The following NDUFA5 variants were observed in gnomAD, a reference collection of about 807,000 sequenced individuals.
NDUFA5 encodes the protein NADH:ubiquinone oxidoreductase subunit A5, also known as NADH dehydrogenase [ubiquinone] 1 alpha subcomplex subunit 5.
Under a neutral mutation model 19.8 loss-of-function variants are expected in NDUFA5, and 11 were observed. The observed-to-expected ratio is 0.56, with a 90% CI of 0.35 to 0.92. The LOEUF is 0.92. Ranked by LOEUF, NDUFA5 falls within the 40% of genes least tolerant of loss-of-function variation. The pLI is 0.01. For missense variants in NDUFA5, 109 were observed against 134.2 expected, an observed-to-expected ratio of 0.81 and a Z score of 0.93; for synonymous variants, 47 against 46.8, an observed-to-expected ratio of 1.00 and a Z score of -0.01.
intron 1 of NDUFA5, 97 bp from the exon 2 acceptor site, chr7:123,557,545 C>G: frequency 1.9e-6 from 3 of 1,611,414 alleles, no homozygotes; most frequent in Non-Finnish European, 2.5e-6. Context: ...CCGGCTAAAA[C>G]TGGTCTAAAG....
Position 123,538,970 on chromosome 7 carries a change from T to C in NDUFA5, c.*3149A>G, listed in dbSNP as rs1381091790. The C allele has an allele frequency of 6.6e-6, 1 of 152,238 alleles. No homozygotes were observed. Among genetic ancestry groups the C allele is most frequent in the East Asian group, 1.9e-4 (1 of 5,202 alleles). 9.4% of individuals were successfully genotyped at this position (152,238 alleles called of 1,614,324 possible). ...TTAGCTTCGCTCCTCTGAATGTGAT[T>C]AGAAAATTGACAATAAAATATAAGC... On this transcript the variant is annotated 3_prime_UTR_variant, in exon 5 of 5. Transcript: ENST00000355749.
At chr7:123,575,220 G>A in the NDUFA5 span, among the ~76,000 whole-genome samples, 1 of 151,584 alleles carries the variant, frequency 6.6e-6, no homozygotes, top group African/African-American at 2.4e-5. Flanking sequence ...ATTTTTTCTA[G>A]ACAACACCTA....
the NDUFA5 span, chr7:123,598,763 G>T: frequency 6.6e-6 from 1 of 152,140 alleles, no homozygotes. Context: ...ACTACCTATA[G>T]TGCTACCTTA....
At chr7:123,577,599 G>C in the NDUFA5 span, among the ~76,000 whole-genome samples, 2 of 152,062 alleles carry the variant, frequency 1.3e-5, no homozygotes, top group Non-Finnish European at 2.9e-5. Flanking sequence ...CTCAGGTTTT[G>C]AAAACTCCAA....
chr7:123,557,456 A>G lies in NDUFA5; in HGVS notation c.22-8T>C, dbSNP rs367767005. 2 of 1,612,456 alleles carry G rather than the reference A, an allele frequency of 1.2e-6. No homozygotes were observed. The highest frequency in any genetic ancestry group is 2.7e-5 in the African/African-American group (2 of 74,846). ...TCCCACAAGGCCAGTGGTCTGTTCAAAAACAAAACACGATTCATGCTGTTT... is the reference window on the plus strand; with the variant it reads ...TCCCACAAGGCCAGTGGTCTGTTCAGAAACAAAACACGATTCATGCTGTTT... On this transcript the variant is annotated splice_polypyrimidine_tract_variant and splice_region_variant and intron_variant, in intron 1 of 4. Transcript: ENST00000355749.
chr7:123,570,914 T>C, the NDUFA5 span, among the ~76,000 whole-genome samples: 1 of 152,306 alleles, frequency 6.6e-6, no homozygotes, highest in Admixed American at 6.5e-5. Context: ...CTCTAAAACT[T>C]ACCAGCTGTA....
chr7:123,542,239 T>C lies in NDUFA5; in HGVS notation c.250-19A>G. The C allele has an allele frequency of 1.9e-6, 3 of 1,578,114 alleles. No homozygotes were observed. The highest frequency in any genetic ancestry group is 2.6e-6 in the Non-Finnish European group (3 of 1,155,188). ...GTTCAGCCTGTTAATACAAATTTTT[T>C]AAAAGATCATTGGATTTTACTCTTC... On this transcript the variant is annotated intron_variant, in intron 4 of 4. Coordinates refer to ENST00000355749, the MANE Select transcript of NDUFA5 (RefSeq NM_005000.5).
intron 3 of NDUFA5, chr7:123,546,750 CT>C: frequency 8.5e-7 from 1 of 1,182,816 alleles, no homozygotes; most frequent in Non-Finnish European, 1.1e-6. Flanking sequence ...TTCTTCACCA[CT>C]TTTCAAATCT....
Position 123,545,685 on chromosome 7 carries a change from T to G in NDUFA5, c.184-9A>C. 6.3e-7 allele frequency: 1 copy of G among 1,596,120 alleles called. No homozygotes were observed. The highest frequency in any genetic ancestry group is 1.7e-5 in the Admixed American group (1 of 59,240). ...TTTTTAACATCTGGTTCCTATAATT[T>G]CAGGGAGAAAAAAAATTAAAGAAGC... On this transcript the variant is annotated splice_polypyrimidine_tract_variant and intron_variant, in intron 3 of 4. Transcript: ENST00000355749.
chr7:123,568,350 TA>T, the NDUFA5 span, among the ~76,000 whole-genome samples: 663 of 142,676 alleles, frequency 4.6e-3, 2 homozygotes, highest in Middle Eastern at 0.011. Flanking sequence ...CCATCTCTAC[TA>T]AAAAAAAAAA....
the NDUFA5 span, among the ~76,000 whole-genome samples, chr7:123,576,325 A>G: frequency 6.6e-6 from 1 of 151,778 alleles, no homozygotes; most frequent in Non-Finnish European, 1.5e-5. Context: ...TTTTTTATAT[A>G]TGAAGTTGTG....
rs1463890413 is a variant in NDUFA5 at position 123,557,408 on chromosome 7, TGAG to T, written c.59_61del (p.Pro20del). The T allele has an allele frequency of 1.2e-6, 2 of 1,613,560 alleles. No homozygotes were observed. Among genetic ancestry groups the T allele is most frequent in the East Asian group, 2.2e-5 (1 of 44,850 alleles). On this transcript the variant is annotated inframe_deletion, in exon 2 of 5. Coordinates refer to ENST00000355749, the MANE Select transcript of NDUFA5 (RefSeq NM_005000.5). ...AGAAAGAACAAAGGTACATACCTCG[TGAG>T]GAGTATTGCACACAGCCAATCCCAC...
chr7:123,572,320 T>C, the NDUFA5 span, among the ~76,000 whole-genome samples: 3 of 151,588 alleles, frequency 2.0e-5, no homozygotes, highest in Admixed American at 6.6e-5. Flanking sequence ...TTTTGTATTT[T>C]TAGTAGAGAC....
At chr7:123,550,618 G>T (rs1221185606) in intron 2 of NDUFA5, 32 bp from the exon 3 acceptor site, 2 of 1,288,966 alleles carry the variant, frequency 1.6e-6, no homozygotes, top group East Asian at 4.8e-5. Context: ...ATTTCCATAG[G>T]TTAAAATATT....
chr7:123,596,719 T>A, the NDUFA5 span, among the ~76,000 whole-genome samples: 1 of 152,378 alleles, frequency 6.6e-6, no homozygotes, highest in African/African-American at 2.4e-5. Flanking sequence ...TCTTCTATAG[T>A]ATGTACTGTT....
At chr7:123,595,234 T>C in the NDUFA5 span, among the ~76,000 whole-genome samples, 1 of 152,200 alleles carries the variant, frequency 6.6e-6, no homozygotes, top group East Asian at 1.9e-4. Flanking sequence ...TTCATGTGCT[T>C]GTAATAAAAC....
chr7:123,572,762 T>C, the NDUFA5 span, among the ~76,000 whole-genome samples: 1 of 152,088 alleles, frequency 6.6e-6, no homozygotes, highest in South Asian at 2.1e-4. Context: ...TTAAGTAGTA[T>C]ATATTTTTAA....
the NDUFA5 span, among the ~76,000 whole-genome samples, chr7:123,582,368 C>G: frequency 6.6e-6 from 1 of 151,920 alleles, no homozygotes; most frequent in Non-Finnish European, 1.5e-5. Context: ...ACAAATAACA[C>G]CACTACCCTA....
chr7:123,548,184 G>A (rs1382517388), intron 3 of NDUFA5, among the ~76,000 whole-genome samples: 1 of 152,150 alleles, frequency 6.6e-6, no homozygotes, highest in Non-Finnish European at 1.5e-5. Context: ...AAGATTTTGT[G>A]TGTGGCTGTA....
Sources: gnomAD v4.1 joint callset for allele counts (sites outside exome capture counted in the v4.1 genomes callset) on GRCh38, gnomAD v4.1.1 for gene constraint, MANE v1.5 for transcripts, NCBI Gene and HGNC (gene_info 2026-07-23, HGNC 2026-07-21) for gene names.